Variants in GRM8 observed in about 807,000 individuals in gnomAD.
The protein encoded by GRM8 is metabotropic glutamate receptor 8.
GRM8 carries 47 observed loss-of-function variants against 87.2 expected under a neutral mutation model. That is an observed-to-expected ratio of 0.54 (90% CI 0.43 to 0.69). The LOEUF (loss-of-function observed/expected upper bound fraction) is 0.69, where lower values mean the gene tolerates loss of function less well. Ranked by LOEUF, GRM8 falls within the 30% of genes least tolerant of loss-of-function variation. The pLI, the probability that GRM8 is intolerant of heterozygous loss-of-function variation, is 0.00. For missense variants in GRM8, 1,019 were observed against 1,139.2 expected (o/e 0.89, Z 1.52); for synonymous variants, 396 against 404.5 (o/e 0.98, Z 0.25).
At chr7:126,631,883 A>G (rs1585293035) in intron 7 of GRM8, among the ~76,000 whole-genome samples, 1 of 152,326 alleles carries the variant, frequency 6.6e-6, no homozygotes, top group Middle Eastern at 3.4e-3. Flanking sequence ...AAATTAACTC[A>G]AGATGGATTA....
intron 8 of GRM8, among the ~76,000 whole-genome samples, chr7:126,604,766 T>C (rs1798184111): frequency 6.6e-6 from 1 of 152,162 alleles, no homozygotes; most frequent in African/African-American, 2.4e-5. Context: ...CCCACTTAGA[T>C]GAGAAAACTG....
intron 7 of GRM8, among the ~76,000 whole-genome samples, chr7:126,721,704 T>C (rs921459033): frequency 1.1e-4 from 17 of 152,104 alleles, no homozygotes; most frequent in Non-Finnish European, 2.4e-4. Context: ...TTAACAAATG[T>C]TAATTGAAAA....
At chr7:126,721,888 T>C (rs1432570329) in intron 7 of GRM8, among the ~76,000 whole-genome samples, 2 of 152,126 alleles carry the variant, frequency 1.3e-5, no homozygotes, top group Non-Finnish European at 2.9e-5. Flanking sequence ...CTAGCTGTTC[T>C]GATTTTTTTG....
rs984175092 is a variant in GRM8, at chr7:126,685,849, A to G, written c.1358-76351T>C. 1.3e-5 allele frequency among the ~76,000 whole-genome samples: 2 copies of G among 151,882 alleles called. No homozygotes were observed. The highest frequency in any genetic ancestry group is 4.8e-5 in the African/African-American group (2 of 41,360). On this transcript the variant is annotated intron_variant, in intron 7 of 10. Transcript: ENST00000339582. This position sits in a 1 kb window ranked among gnomAD's most constrained non-coding sequence, Gnocchi z 4.2. Reference sequence around the variant, plus strand: ...GGTCCTCAGTGATGCCCTACCTTCAAGCTGAGGAGGGCCTGAACCCTGGGG... The same window carrying G: ...GGTCCTCAGTGATGCCCTACCTTCAGGCTGAGGAGGGCCTGAACCCTGGGG...
chr7:127,001,765 C>T (rs1312630445), intron 3 of GRM8, among the ~76,000 whole-genome samples: 2 of 151,446 alleles, frequency 1.3e-5, no homozygotes, highest in Non-Finnish European at 3.0e-5. Flanking sequence ...ATAGTAGCCA[C>T]AAAACTGGAA....
At chr7:126,923,343 A>G (rs1330976610) in intron 3 of GRM8, among the ~76,000 whole-genome samples, 2 of 152,220 alleles carry the variant, frequency 1.3e-5, no homozygotes, top group Non-Finnish European at 2.9e-5. Context: ...ATGTAAGTCA[A>G]CACTAACCTA....
intron 9 of GRM8, among the ~76,000 whole-genome samples, chr7:126,515,614 C>T (rs59067005): frequency 9.9e-5 from 15 of 152,048 alleles, no homozygotes; most frequent in African/African-American, 3.6e-4. Context: ...TTTTGGAGGC[C>T]TTAGAGCGGA....
intron 6 of GRM8, among the ~76,000 whole-genome samples, chr7:126,887,756 G>C (rs779880042): frequency 6.6e-6 from 1 of 152,084 alleles, no homozygotes; most frequent in Non-Finnish European, 1.5e-5. Context: ...TTCTCCAGGG[G>C]AACGTGTGAG....
intron 3 of GRM8, among the ~76,000 whole-genome samples, chr7:127,098,738 C>CA (rs1429257026): frequency 6.6e-6 from 1 of 152,160 alleles, no homozygotes; most frequent in African/African-American, 2.4e-5. Flanking sequence ...CGGAACATGT[C>CA]AAACAATAGT....
At chr7:126,671,024 A>G (rs1806319874) in intron 7 of GRM8, among the ~76,000 whole-genome samples, 1 of 152,204 alleles carries the variant, frequency 6.6e-6, no homozygotes, top group South Asian at 2.1e-4. Context: ...ACACAATTAG[A>G]GAACGTAGTT....
At chr7:126,874,235 A>C (rs1041645220) in intron 6 of GRM8, among the ~76,000 whole-genome samples, 2 of 152,132 alleles carry the variant, frequency 1.3e-5, no homozygotes, top group African/African-American at 4.8e-5. Flanking sequence ...CTCAATGATT[A>C]TAAAGGAGGT....
intron 3 of GRM8, among the ~76,000 whole-genome samples, chr7:127,045,636 A>G (rs1818856220): frequency 6.6e-6 from 1 of 152,084 alleles, no homozygotes; most frequent in Admixed American, 6.6e-5. Flanking sequence ...AACCACAACA[A>G]AAAAATAGAT....
intron 3 of GRM8, among the ~76,000 whole-genome samples, chr7:127,101,621 C>T (rs1047229249): frequency 9.9e-5 from 15 of 152,176 alleles, no homozygotes; most frequent in Non-Finnish European, 2.2e-4. Context: ...CCTCAAAAGG[C>T]CTCCCCAGGA....
At chr7:126,513,234 T>G (rs763584879) in intron 9 of GRM8, among the ~76,000 whole-genome samples, 2 of 152,166 alleles carry the variant, frequency 1.3e-5, no homozygotes, top group Non-Finnish European at 2.9e-5. Context: ...AAAATCCATA[T>G]GCTTTAAAAC....
At chr7:126,630,087 T>G (rs1269924594) in intron 7 of GRM8, among the ~76,000 whole-genome samples, 1 of 151,870 alleles carries the variant, frequency 6.6e-6, no homozygotes, top group Non-Finnish European at 1.5e-5. Flanking sequence ...AACATGAAAT[T>G]CTTAACAAAA....
At position 126,799,127 on chromosome 7, in the gene GRM8, T is replaced by C. The variant is rs373698753; in HGVS notation, c.1157-29062A>G. On this transcript the variant is annotated intron_variant, in intron 6 of 10. Transcript: ENST00000339582. ...TCATCTCTTGCTGCCCGAAGTGTGA[T>C]CTATGGACCAGCAGCATCAACATCA... Among the ~76,000 whole-genome samples the C allele has an allele frequency of 6.8e-4, 104 of 152,146 alleles. 1 individual carries two copies. Among genetic ancestry groups the C allele is most frequent in the African/African-American group, 2.2e-3 (93 of 41,520 alleles).
intron 7 of GRM8, among the ~76,000 whole-genome samples, chr7:126,717,508 C>T (rs1031659214): frequency 2.6e-5 from 4 of 152,132 alleles, no homozygotes; most frequent in African/African-American, 9.7e-5. Flanking sequence ...GGACATACAA[C>T]TATGGACAAA....
intron 9 of GRM8, among the ~76,000 whole-genome samples, chr7:126,463,490 A>G (rs1804130408): frequency 6.6e-6 from 1 of 151,590 alleles, no homozygotes. Flanking sequence ...CATTAATACG[A>G]TGTTCTAACA....
chr7:127,014,335 C>A (rs1419441), intron 3 of GRM8, among the ~76,000 whole-genome samples: 13 of 152,038 alleles, frequency 8.6e-5, no homozygotes, highest in Non-Finnish European at 1.8e-4. Flanking sequence ...GCTCCACCTG[C>A]GAAAGTGTCT....
Sources: gnomAD v4.1 joint callset for allele counts (sites outside exome capture counted in the v4.1 genomes callset) on GRCh38, gnomAD v4.1.1 for gene constraint, Gnocchi (gnomAD v3.1) non-coding constraint, MANE v1.5 for transcripts, NCBI Gene and HGNC (gene_info 2026-07-23, HGNC 2026-07-21) for gene names.